Variants in NOP58 observed in about 807,000 individuals in gnomAD.
NOP58 encodes the protein nucleolar protein 58.
Under a neutral mutation model 71.2 loss-of-function variants are expected in NOP58, and 44 were observed. The ratio of observed to expected loss-of-function variants is 0.62; its 90% CI spans 0.49 to 0.79. NOP58 has a LOEUF of 0.79. Among genes scored for constraint, NOP58 ranks in the 30% least tolerant of loss-of-function variants. The pLI, the probability that NOP58 is intolerant of heterozygous loss-of-function variation, is 0.00. For missense variants in NOP58, 538 were observed against 620.2 expected (o/e 0.87, Z 1.41); for synonymous variants, 228 against 200.3 (o/e 1.14, Z -1.17).
intron 14 of NOP58, 33 bp from the exon 15 acceptor site, chr2:202,303,353 C>G (rs759039822): frequency 1.2e-6 from 2 of 1,607,922 alleles, no homozygotes; most frequent in Non-Finnish European, 8.5e-7. Flanking sequence ...ACAATTTCAG[C>G]TCTTTCAAAG....
At chr2:202,286,466 C>A (rs1361934322) in intron 5 of NOP58, among the ~76,000 whole-genome samples, 1 of 152,150 alleles carries the variant, frequency 6.6e-6, no homozygotes, top group Non-Finnish European at 1.5e-5. Context: ...GATTGCTCCA[C>A]TGCACTCCAG....
At chr2:202,292,340 C>T (rs909163819) in intron 8 of NOP58, among the ~76,000 whole-genome samples, 4 of 151,894 alleles carry the variant, frequency 2.6e-5, no homozygotes, top group Non-Finnish European at 5.9e-5. Flanking sequence ...GATTTTCAGG[C>T]AGTGGACCAA....
chr2:202,275,199 CTT>C lies in NOP58; in HGVS notation c.122+11_122+12del. On this transcript the variant is annotated intron_variant, in intron 2 of 14. Coordinates refer to ENST00000264279, the MANE Select transcript of NOP58 (RefSeq NM_015934.5). ...AGAAAGCAAACAAAATGTAAGTACT[CTT>C]GAAATCAATAATTTAGCAGTTAACA... 1 of 1,414,794 alleles carries C rather than the reference CTT, an allele frequency of 7.1e-7. No homozygotes were observed. The highest frequency in any genetic ancestry group is 9.8e-7 in the Non-Finnish European group (1 of 1,016,792). 87.6% of individuals were successfully genotyped at this position (1,414,794 alleles called of 1,614,324 possible). A position where few individuals can be genotyped will look rare whatever the true frequency, so the allele number is the denominator to read the frequency against.
chr2:202,303,191 C>T, intron 14 of NOP58, 134 bp downstream of exon 14: 2 of 1,305,902 alleles, frequency 1.5e-6, no homozygotes, highest in Non-Finnish European at 2.1e-6. Context: ...AGTGAAATGG[C>T]TTTGTTGTAT....
chr2:202,292,096 C>G (rs1238316264), intron 8 of NOP58, among the ~76,000 whole-genome samples: 2 of 142,710 alleles, frequency 1.4e-5, no homozygotes, highest in Non-Finnish European at 3.0e-5. Context: ...CCAGTTCAAG[C>G]GGTTCTCCTG....
At chr2:202,275,222 T>TA in intron 2 of NOP58, 33 bp downstream of exon 2, 1 of 1,077,500 alleles carries the variant, frequency 9.3e-7, no homozygotes. Flanking sequence ...ATTTAGCAGT[T>TA]AACATTTAGG....
chr2:202,285,537 G>A (rs1688772760), intron 5 of NOP58, among the ~76,000 whole-genome samples: 1 of 151,488 alleles, frequency 6.6e-6, no homozygotes, highest in Admixed American at 6.6e-5. Flanking sequence ...GTAGAGACGG[G>A]GTTTTGCCAT....
intron 1 of NOP58, among the ~76,000 whole-genome samples, chr2:202,269,132 C>G (rs1179944776): frequency 1.3e-5 from 2 of 151,678 alleles, no homozygotes; most frequent in Admixed American, 6.6e-5. Context: ...ACTACAGGCT[C>G]AAGCCACCAT....
intron 5 of NOP58, 130 bp from the exon 6 acceptor site, chr2:202,287,530 A>G (rs1352360939): frequency 6.3e-6 from 4 of 630,430 alleles, no homozygotes; most frequent in Non-Finnish European, 1.1e-5. Flanking sequence ...TTCTTCTTAG[A>G]AAAACCAATT....
rs1559263884 is a variant in NOP58 at position 202,287,732 on chromosome 2, T to C, written c.499+8T>C. On this transcript the variant is annotated splice_region_variant and intron_variant, in intron 6 of 14. Transcript: ENST00000264279. ...TGATTGTTCAGGCAATTTGTAAGTA[T>C]AGTACATGCAAAGTCCGATTTGTTG... 1.3e-6 allele frequency: 2 copies of C among 1,596,620 alleles called. No homozygotes were observed. Among genetic ancestry groups the C allele is most frequent in the Admixed American group, 1.7e-5 (1 of 59,972 alleles).
intron 12 of NOP58, among the ~76,000 whole-genome samples, chr2:202,298,919 A>C (rs1173424960): frequency 6.6e-6 from 1 of 150,774 alleles, no homozygotes; most frequent in African/African-American, 2.4e-5. Flanking sequence ...TTAACCCAAT[A>C]AATTATACTT....
chr2:202,284,018 A>G (rs1243275098), intron 4 of NOP58, among the ~76,000 whole-genome samples: 1 of 152,034 alleles, frequency 6.6e-6, no homozygotes, highest in Non-Finnish European at 1.5e-5. Context: ...GCGGTGGCTC[A>G]TGCCTGTAAT....
intron 2 of NOP58, among the ~76,000 whole-genome samples, chr2:202,276,767 A>C (rs1048451702): frequency 6.6e-6 from 1 of 152,104 alleles, no homozygotes; most frequent in Non-Finnish European, 1.5e-5. Context: ...GAGCTCGGGA[A>C]GTCAGGGCTG....
chr2:202,302,874 T>C (rs1279380934), intron 13 of NOP58, 47 bp from the exon 14 acceptor site: 2 of 1,567,144 alleles, frequency 1.3e-6, no homozygotes, highest in Admixed American at 3.8e-5. Flanking sequence ...AGGAATGAGA[T>C]CTGATACAGT....
chr2:202,285,000 G>A (rs970254088), intron 5 of NOP58, among the ~76,000 whole-genome samples: 5 of 151,982 alleles, frequency 3.3e-5, no homozygotes, highest in African/African-American at 1.2e-4. Flanking sequence ...GAGCAACATA[G>A]CAAGAAATAT....
At chr2:202,277,860 A>T (rs1688631037) in intron 2 of NOP58, 90 bp from the exon 3 acceptor site, 1 of 718,306 alleles carries the variant, frequency 1.4e-6, no homozygotes. Context: ...TGCTTTGGAA[A>T]CAGTCAAGCA....
At chr2:202,272,235 T>A (rs971579058) in intron 1 of NOP58, among the ~76,000 whole-genome samples, 1 of 144,696 alleles carries the variant, frequency 6.9e-6, no homozygotes, top group African/African-American at 2.5e-5. Flanking sequence ...CACTGCAGGC[T>A]CCGCCCCCTG....
At position 202,284,439 on chromosome 2, in the gene NOP58, A is replaced by G; in HGVS notation, c.392A>G (p.Glu131Gly). ...SQMDGLIPGV[E>G]PREMAAMCLG... is the part of the protein sequence containing the mutation. ...ATGGATGGATTAATCCCTGGGGTAG[A>G]ACCACGTGAAATGGCAGCTATGTGT... The change falls in exon 5 of 15, where the codon GAA (glutamate) becomes GGA (glycine). Residue 131 changes from glutamate (E) to glycine (G), a missense_variant. Coordinates refer to ENST00000264279, the MANE Select transcript of NOP58 (RefSeq NM_015934.5). 6.2e-7 allele frequency: 1 copy of G among 1,614,074 alleles called. No homozygotes were observed. Among genetic ancestry groups the G allele is most frequent in the Non-Finnish European group, 8.5e-7 (1 of 1,179,990 alleles).
intron 8 of NOP58, 172 bp downstream of exon 8, chr2:202,291,442 G>A (rs1160154095): frequency 2.3e-6 from 1 of 443,386 alleles, no homozygotes; most frequent in Non-Finnish European, 4.0e-6. Context: ...ACTTAAAAGG[G>A]GGAAATACAT....
Sources: allele counts gnomAD v4.1 joint callset (sites outside exome capture counted in the v4.1 genomes callset), GRCh38; gene constraint gnomAD v4.1.1; transcripts MANE v1.5; gene names NCBI Gene and HGNC (gene_info 2026-07-23, HGNC 2026-07-21).